Variants in OSBPL6 observed in about 807,000 individuals in gnomAD.
OSBPL6 encodes the protein oxysterol binding protein like 6.
In OSBPL6, 49 loss-of-function variants were observed where a neutral mutation model predicts 125.8. The observed-to-expected ratio is 0.39, with a 90% CI of 0.31 to 0.49. The LOEUF (loss-of-function observed/expected upper bound fraction) is 0.49. Ranked by LOEUF, OSBPL6 falls within the 20% of genes least tolerant of loss-of-function variation. OSBPL6 has a pLI of 0.88. For synonymous variants in OSBPL6, 394 were observed against 391.8 expected (o/e 1.01, Z -0.07); for missense variants, 986 against 1,135.4 (o/e 0.87, Z 1.89).
intron 12 of OSBPL6, among the ~76,000 whole-genome samples, chr2:178,357,905 T>TA (rs1284887858): frequency 1.3e-5 from 2 of 152,106 alleles, no homozygotes; most frequent in Non-Finnish European, 1.5e-5. Flanking sequence ...TATGCAGCCA[T>TA]AAAAAAGGAT....
chr2:178,199,942 A>G (rs977597595), intron 1 of OSBPL6, among the ~76,000 whole-genome samples: 1 of 152,110 alleles, frequency 6.6e-6, no homozygotes, highest in African/African-American at 2.4e-5. Flanking sequence ...CAAAGTGTCC[A>G]TTATTGGGTA....
chr2:178,252,330 C>T (rs2091726044), intron 1 of OSBPL6, among the ~76,000 whole-genome samples: 1 of 101,414 alleles, frequency 9.9e-6, no homozygotes, highest in Admixed American at 9.1e-5. Context: ...CCTTCTGTTG[C>T]CAACTACTCA....
chr2:178,313,105 A>T (rs1417246079), intron 3 of OSBPL6, among the ~76,000 whole-genome samples: 1 of 152,148 alleles, frequency 6.6e-6, no homozygotes, highest in Non-Finnish European at 1.5e-5. Context: ...CATGTTGGCC[A>T]GGCTGGTCTT....
At chr2:178,246,574 C>A (rs148023501) in intron 1 of OSBPL6, among the ~76,000 whole-genome samples, 5 of 152,164 alleles carry the variant, frequency 3.3e-5, no homozygotes, top group African/African-American at 1.2e-4. Flanking sequence ...CCTGAGGTTA[C>A]GGTCTAGCTA....
At chr2:178,234,199 A>G (rs1030322203) in intron 1 of OSBPL6, among the ~76,000 whole-genome samples, 1 of 152,192 alleles carries the variant, frequency 6.6e-6, no homozygotes, top group Admixed American at 6.5e-5. Flanking sequence ...TAGAAAATGA[A>G]ATAGTAATAA....
At chr2:178,311,961 T>C (rs1277946664) in intron 3 of OSBPL6, among the ~76,000 whole-genome samples, 21 of 152,328 alleles carry the variant, frequency 1.4e-4, no homozygotes, top group Non-Finnish European at 1.5e-5. Flanking sequence ...TTTTATTTAA[T>C]TAAATTGAAA....
intron 13 of OSBPL6, among the ~76,000 whole-genome samples, chr2:178,366,614 T>C (rs950269937): frequency 6.6e-5 from 10 of 152,206 alleles, no homozygotes; most frequent in Admixed American, 6.5e-4. Flanking sequence ...CAGCGAAATG[T>C]AAATAGAATT....
At chr2:178,201,030 G>A (rs1559109010) in intron 1 of OSBPL6, among the ~76,000 whole-genome samples, 1 of 152,082 alleles carries the variant, frequency 6.6e-6, no homozygotes, top group Non-Finnish European at 1.5e-5. Context: ...TCCTGACCTT[G>A]TGATCTGCCC....
At chr2:178,264,536 A>G (rs562245027) in intron 1 of OSBPL6, among the ~76,000 whole-genome samples, 3 of 152,304 alleles carry the variant, frequency 2.0e-5, no homozygotes, top group Admixed American at 1.3e-4. Context: ...GCTTTGAACT[A>G]TTTGGAGAAT....
At position 178,244,829 on chromosome 2, in the gene OSBPL6, A is replaced by G. The variant is rs142413877; in HGVS notation, c.-350-40098A>G. On this transcript the variant is annotated intron_variant, in intron 1 of 24. Coordinates refer to ENST00000190611, the MANE Select transcript of OSBPL6 (RefSeq NM_032523.4). ...GTATGAGCGAGCCCTACTGTACTGT[A>G]CAGAACAGCAAAAATAATTTCCTGC... Among the ~76,000 whole-genome samples the G allele has an allele frequency of 6.7e-4, 102 of 152,322 alleles. 1 individual carries two copies. The highest frequency in any genetic ancestry group is 2.4e-3 in the African/African-American group (99 of 41,578).
At position 178,384,051 on chromosome 2, in the gene OSBPL6, G is replaced by A. The variant is rs199651479; in HGVS notation, c.1888G>A (p.Ala630Thr). 9.3e-6 allele frequency: 15 copies of A among 1,613,534 alleles called. No individual in the cohort carries two copies. The highest frequency in any genetic ancestry group is 3.3e-5 in the South Asian group (3 of 91,036). Residue 630 changes from alanine (A) to threonine (T), a missense_variant, in exon 18 of 25, where the codon GCA becomes ACA. Coordinates refer to ENST00000190611, the MANE Select transcript of OSBPL6 (RefSeq NM_032523.4). ...AATGTTTTAACAGGTTCTCGTTGCCGCATTTGCAGTTTCAGGATACTGCTC... is the reference window on the plus strand; with the variant it reads ...AATGTTTTAACAGGTTCTCGTTGCCACATTTGCAGTTTCAGGATACTGCTC... ...DPYERMVLVA[A>T]FAVSGYCSTY...
chr2:178,388,995 A>G lies in OSBPL6; in HGVS notation c.2157-14A>G, dbSNP rs776234093. On this transcript the variant is annotated splice_polypyrimidine_tract_variant and intron_variant, in intron 20 of 24. Coordinates refer to ENST00000190611, the MANE Select transcript of OSBPL6 (RefSeq NM_032523.4). Reference sequence around the variant, plus strand: ...ACCTTGGTTGTTTTTCATCAGTGTTACATTCTTCACTAGGTATGGAGATTA... The same window carrying G: ...ACCTTGGTTGTTTTTCATCAGTGTTGCATTCTTCACTAGGTATGGAGATTA... The G allele has an allele frequency of 6.2e-6, 10 of 1,612,766 alleles. No individual in the cohort carries two copies. Among genetic ancestry groups the G allele is most frequent in the East Asian group, 4.5e-5 (2 of 44,834 alleles).
chr2:178,239,571 T>C (rs34479159), intron 1 of OSBPL6, among the ~76,000 whole-genome samples: 23,931 of 151,130 alleles, frequency 0.16, 2,412 homozygotes, highest in South Asian at 0.23. Context: ...TTCTAAGATA[T>C]TATTAATTTA....
At chr2:178,216,915 A>T (rs1417772297) in intron 1 of OSBPL6, among the ~76,000 whole-genome samples, 2 of 152,196 alleles carry the variant, frequency 1.3e-5, no homozygotes, top group Non-Finnish European at 2.9e-5. Flanking sequence ...ACTACTCCAC[A>T]CTGAAGAAGA....
chr2:178,327,484 C>T (rs1688796366), intron 4 of OSBPL6, among the ~76,000 whole-genome samples: 1 of 152,176 alleles, frequency 6.6e-6, no homozygotes, highest in Non-Finnish European at 1.5e-5. Context: ...TATATTTATA[C>T]ATAGATGGAG....
intron 12 of OSBPL6, among the ~76,000 whole-genome samples, chr2:178,359,730 A>C (rs139239056): frequency 1.3e-4 from 20 of 152,340 alleles, no homozygotes; most frequent in African/African-American, 4.8e-4. Flanking sequence ...AGCCTTCAAA[A>C]AGGAAGCGAT....
At chr2:178,282,681 C>T (rs904983121) in intron 1 of OSBPL6, among the ~76,000 whole-genome samples, 12 of 152,074 alleles carry the variant, frequency 7.9e-5, no homozygotes, top group Non-Finnish European at 1.0e-4. Flanking sequence ...GACAGAGTTT[C>T]GCTCTTGTTG....
intron 20 of OSBPL6, 52 bp from the exon 21 acceptor site, chr2:178,388,957 A>G: frequency 6.3e-7 from 1 of 1,582,096 alleles, no homozygotes; most frequent in South Asian, 1.1e-5. Flanking sequence ...AGAAACAGTT[A>G]TATGTGTTTG....
At chr2:178,283,385 TAA>T (rs200914146) in intron 1 of OSBPL6, among the ~76,000 whole-genome samples, 2 of 133,668 alleles carry the variant, frequency 1.5e-5, no homozygotes. Context: ...TCTCAATAAG[TAA>T]AAAAAAAAAA....
Sources: gnomAD v4.1 joint callset for allele counts (sites outside exome capture counted in the v4.1 genomes callset) on GRCh38, gnomAD v4.1.1 for gene constraint, MANE v1.5 for transcripts, NCBI Gene and HGNC (gene_info 2026-07-23, HGNC 2026-07-21) for gene names.